Variants in SEZ6L observed in about 807,000 individuals in gnomAD.
SEZ6L encodes the protein seizure 6-like protein.
Under a neutral mutation model 106.2 loss-of-function variants are expected in SEZ6L, and 37 were observed. The ratio of observed to expected loss-of-function variants is 0.35; its 90% confidence interval spans 0.27 to 0.46. SEZ6L has a LOEUF of 0.46. Ranked by LOEUF, SEZ6L falls within the 20% of genes least tolerant of loss-of-function variation. The probability of loss-of-function intolerance (pLI) is 1.00; values close to 1 mark genes in which losing one functional copy is unlikely to be tolerated. For synonymous variants in SEZ6L, 541 were observed against 570.4 expected, an observed-to-expected ratio of 0.95 and a Z score of 0.73; for missense variants, 1,172 against 1,332.8, an observed-to-expected ratio of 0.88 and a Z score of 1.88.
intron 1 of SEZ6L, among the ~76,000 whole-genome samples, chr22:26,270,535 T>G (rs188035953): frequency 6.6e-6 from 1 of 151,760 alleles, no homozygotes; most frequent in Non-Finnish European, 1.5e-5. Flanking sequence ...AGAAACAGCA[T>G]AGATATGATG....
At chr22:26,171,173 A>G (rs1472538288) in intron 1 of SEZ6L, among the ~76,000 whole-genome samples, 5 of 152,334 alleles carry the variant, frequency 3.3e-5, no homozygotes, top group Admixed American at 1.3e-4. Context: ...TTAACAAAGC[A>G]TATCATTGAA....
chr22:26,253,412 C>A (rs1602172631), intron 1 of SEZ6L, among the ~76,000 whole-genome samples: 1 of 150,716 alleles, frequency 6.6e-6, no homozygotes, highest in East Asian at 2.0e-4. Flanking sequence ...TGTCCCTAGA[C>A]CCTTATTTAG....
intron 1 of SEZ6L, among the ~76,000 whole-genome samples, chr22:26,278,868 GAGAA>G (rs1205296002): frequency 2.3e-5 from 3 of 129,800 alleles, no homozygotes; most frequent in South Asian, 2.3e-4. Context: ...AGAAAAGAAA[GAGAA>G]AGAAAGAAAA....
chr22:26,264,499 A>C (rs901159568), intron 1 of SEZ6L, among the ~76,000 whole-genome samples: 1 of 152,246 alleles, frequency 6.6e-6, no homozygotes, highest in Non-Finnish European at 1.5e-5. Context: ...TGAAATTATC[A>C]AAATTTGACC....
At chr22:26,327,049 G>A (rs2082327570) in intron 9 of SEZ6L, among the ~76,000 whole-genome samples, 1 of 152,100 alleles carries the variant, frequency 6.6e-6, no homozygotes, top group African/African-American at 2.4e-5. Context: ...GGAGGCCTTC[G>A]AGAATATGTG....
chr22:26,347,917 A>T lies in SEZ6L; in HGVS notation c.2407+4A>T. 1 of 1,559,490 alleles carries T rather than the reference A, an allele frequency of 6.4e-7. No homozygotes were observed. Among genetic ancestry groups the T allele is most frequent in the Non-Finnish European group, 8.6e-7 (1 of 1,160,248 alleles). On this transcript the variant is annotated splice_donor_region_variant and intron_variant, in intron 11 of 16. Coordinates refer to ENST00000248933, the MANE Select transcript of SEZ6L (RefSeq NM_021115.5). Reference sequence around the variant, plus strand: ...GACCCCCCATTTTGTGAGAAAAGTAAGAGTGGTCTTGTTTCCTTCCTCTAG... The same window carrying T: ...GACCCCCCATTTTGTGAGAAAAGTATGAGTGGTCTTGTTTCCTTCCTCTAG...
At chr22:26,325,429 C>T (rs1028953585) in intron 9 of SEZ6L, among the ~76,000 whole-genome samples, 5 of 152,142 alleles carry the variant, frequency 3.3e-5, no homozygotes, top group African/African-American at 7.2e-5. Context: ...ACGAGGAAAC[C>T]GAGGCTCAGA....
At chr22:26,220,262 C>G (rs2078425769) in intron 1 of SEZ6L, among the ~76,000 whole-genome samples, 1 of 152,198 alleles carries the variant, frequency 6.6e-6, no homozygotes, top group South Asian at 2.1e-4. Context: ...GGCCTTGTAC[C>G]AGGCAGGGTC....
At chr22:26,252,869 G>A (rs1431103986) in intron 1 of SEZ6L, among the ~76,000 whole-genome samples, 3 of 152,236 alleles carry the variant, frequency 2.0e-5, no homozygotes, top group Non-Finnish European at 4.4e-5. Context: ...GGTGAATAGT[G>A]CTGTAATTAA....
intron 1 of SEZ6L, among the ~76,000 whole-genome samples, chr22:26,202,175 A>G (rs1429981825): frequency 6.6e-6 from 1 of 152,040 alleles, no homozygotes; most frequent in African/African-American, 2.4e-5. Context: ...CGGCCTCCCA[A>G]AGTGCTGGGA....
chr22:26,332,707 CAA>C (rs1440789192), intron 9 of SEZ6L, among the ~76,000 whole-genome samples: 1 of 152,224 alleles, frequency 6.6e-6, no homozygotes, highest in African/African-American at 2.4e-5. Flanking sequence ...CTTGGCCTCC[CAA>C]AATGCTGGGA....
chr22:26,208,848 CTCTGTGTGTGTGTGTGTG>C (rs769853607), intron 1 of SEZ6L, among the ~76,000 whole-genome samples: 2,911 of 106,882 alleles, frequency 0.027, 42 homozygotes, highest in Non-Finnish European at 0.04. Flanking sequence ...TTGACTCTCT[CTCTGTGTGTGTGTGTGTG>C]TGTGTGTGTG....
chr22:26,251,839 G>A (rs1371621525), intron 1 of SEZ6L, among the ~76,000 whole-genome samples: 1 of 152,190 alleles, frequency 6.6e-6, no homozygotes, highest in Non-Finnish European at 1.5e-5. Flanking sequence ...TAGAGCAAAG[G>A]AGTGGTCCTG....
At chr22:26,369,705 A>C (rs1359579063) in intron 13 of SEZ6L, among the ~76,000 whole-genome samples, 1 of 151,914 alleles carries the variant, frequency 6.6e-6, no homozygotes, top group African/African-American at 2.4e-5. Flanking sequence ...GAAATCCACA[A>C]TTAGCATTCA....
chr22:26,382,812 T>G lies in SEZ6L; in HGVS notation c.*2517T>G, dbSNP rs2084451664. 6.6e-6 allele frequency: 1 copy of G among 152,202 alleles called. No individual in the cohort carries two copies. The highest frequency in any genetic ancestry group is 2.1e-4 in the South Asian group (1 of 4,832). 9.4% of individuals were successfully genotyped at this position (152,202 alleles called of 1,614,324 possible). A position where few individuals can be genotyped will look rare whatever the true frequency, so the allele number is the denominator to read the frequency against. Reference sequence around the variant, plus strand: ...TACGTCTGTTTTTATAAGATCAATATTAAAACCCATTGGGATTAAATATTT... The same window carrying G: ...TACGTCTGTTTTTATAAGATCAATAGTAAAACCCATTGGGATTAAATATTT... On this transcript the variant is annotated 3_prime_UTR_variant, in exon 17 of 17. Coordinates refer to ENST00000248933, the MANE Select transcript of SEZ6L (RefSeq NM_021115.5).
chr22:26,247,868 A>G (rs1202533251), intron 1 of SEZ6L, among the ~76,000 whole-genome samples: 1 of 152,220 alleles, frequency 6.6e-6, no homozygotes, highest in Non-Finnish European at 1.5e-5. Flanking sequence ...GTTGTAGAAC[A>G]GTGCCAGCAC....
intron 9 of SEZ6L, among the ~76,000 whole-genome samples, chr22:26,323,042 GGGC>G: frequency 6.6e-6 from 1 of 152,222 alleles, no homozygotes; most frequent in Non-Finnish European, 1.5e-5. Context: ...GGCCCCAAGT[GGGC>G]AGGTAACTTA....
intron 7 of SEZ6L, 117 bp downstream of exon 7, chr22:26,310,953 T>C: frequency 1.0e-6 from 1 of 1,000,050 alleles, no homozygotes; most frequent in Admixed American, 2.3e-5. Context: ...CCCATGGCCA[T>C]GTGGATCCTT....
chr22:26,380,187 G>T, intron 16 of SEZ6L, 79 bp from the exon 17 acceptor site: 2 of 1,371,592 alleles, frequency 1.5e-6, no homozygotes, highest in Non-Finnish European at 1.0e-6. Flanking sequence ...ACATACAGAG[G>T]TGCAAAGAAC....
Sources: allele counts gnomAD v4.1 joint callset (sites outside exome capture counted in the v4.1 genomes callset), GRCh38; gene constraint gnomAD v4.1.1; transcripts MANE v1.5; gene names NCBI Gene and HGNC (gene_info 2026-07-23, HGNC 2026-07-21).